The following PHF24 variants were observed in gnomAD, a reference collection of about 807,000 sequenced individuals.
PHF24 encodes the protein Galpha inhibitory interacting protein.
In PHF24, 25 loss-of-function variants were observed where a neutral mutation model predicts 42.6. That is an observed-to-expected ratio of 0.59 (90% CI 0.43 to 0.82). The LOEUF is 0.82. Among genes scored for constraint, PHF24 ranks in the 40% least tolerant of loss-of-function variants. The pLI is 0.00. For missense variants in PHF24, 470 were observed against 538.1 expected (o/e 0.87, Z 1.25); for synonymous variants, 185 against 204.8 (o/e 0.90, Z 0.83).
chr9:34,913,732 A>G, the PHF24 span, among the ~76,000 whole-genome samples: 1 of 152,246 alleles, frequency 6.6e-6, no homozygotes, highest in East Asian at 1.9e-4. Flanking sequence ...TATAGATGGT[A>G]TAGGTCTGGC....
the PHF24 span, among the ~76,000 whole-genome samples, chr9:34,918,900 T>G: frequency 6.6e-6 from 1 of 152,214 alleles, no homozygotes; most frequent in Non-Finnish European, 1.5e-5. Flanking sequence ...TGATGGAAAT[T>G]GAATCAACTT....
chr9:34,776,360 C>G, the PHF24 span, among the ~76,000 whole-genome samples: 1 of 152,080 alleles, frequency 6.6e-6, no homozygotes, highest in Non-Finnish European at 1.5e-5. Flanking sequence ...TTATGGTGTC[C>G]CATATGTCAT....
At chr9:34,745,507 G>A in the PHF24 span, among the ~76,000 whole-genome samples, 7 of 151,930 alleles carry the variant, frequency 4.6e-5, no homozygotes, top group South Asian at 2.1e-4. Context: ...AAATACTGAC[G>A]GGAATGATGT....
the PHF24 span, among the ~76,000 whole-genome samples, chr9:34,828,650 T>C: frequency 2.6e-5 from 4 of 152,354 alleles, no homozygotes; most frequent in Admixed American, 1.3e-4. Context: ...TGTTTTTAAA[T>C]TGAATGCCAT....
the PHF24 span, among the ~76,000 whole-genome samples, chr9:34,678,978 T>G: frequency 6.6e-6 from 1 of 152,180 alleles, no homozygotes; most frequent in African/African-American, 2.4e-5. Flanking sequence ...GAGTTTAAAC[T>G]AACACCTGTC....
chr9:34,723,936 T>C, the PHF24 span: 19 of 1,551,518 alleles, frequency 1.2e-5, no homozygotes, highest in Non-Finnish European at 1.7e-5. Context: ...AGATGAAAGC[T>C]ACGGCTCCAT....
At chr9:34,853,160 T>A in the PHF24 span, among the ~76,000 whole-genome samples, 2 of 152,220 alleles carry the variant, frequency 1.3e-5, no homozygotes, top group Non-Finnish European at 2.9e-5. Context: ...TATTGAGAGT[T>A]TTTAACATGA....
chr9:34,891,012 G>A, the PHF24 span, among the ~76,000 whole-genome samples: 4 of 152,186 alleles, frequency 2.6e-5, no homozygotes, highest in African/African-American at 9.7e-5. Flanking sequence ...TTGTGGATTC[G>A]TGAGTGATTG....
the PHF24 span, among the ~76,000 whole-genome samples, chr9:34,785,567 T>G: frequency 6.6e-6 from 1 of 152,172 alleles, no homozygotes; most frequent in Non-Finnish European, 1.5e-5. Flanking sequence ...AGGGAATAAG[T>G]TTGTGTTTTT....
chr9:34,882,572 GACAA>G, the PHF24 span, among the ~76,000 whole-genome samples: 2 of 152,190 alleles, frequency 1.3e-5, no homozygotes, highest in African/African-American at 2.4e-5. Flanking sequence ...ACCAGTAACA[GACAA>G]ACAGAGAGCC....
the PHF24 span, among the ~76,000 whole-genome samples, chr9:34,800,981 A>C: frequency 6.6e-6 from 1 of 151,830 alleles, no homozygotes; most frequent in African/African-American, 2.4e-5. Context: ...AGAAAAAAAA[A>C]CCATCAAAAA....
chr9:34,842,242 G>A, the PHF24 span, among the ~76,000 whole-genome samples: 23 of 152,142 alleles, frequency 1.5e-4, no homozygotes, highest in African/African-American at 5.1e-4. Flanking sequence ...GTAGTTGATA[G>A]ACATTTGAGT....
At chr9:34,978,517 G>A (rs1230965085) in exon 8 of PHF24, 1 of 165,644 alleles carries the variant, frequency 6.0e-6, no homozygotes, top group East Asian at 1.7e-4. Flanking sequence ...CCCTTCTATA[G>A]GCAGGCCAGT....
At chr9:34,764,411 C>T in the PHF24 span, among the ~76,000 whole-genome samples, 1 of 152,256 alleles carries the variant, frequency 6.6e-6, no homozygotes, top group Non-Finnish European at 1.5e-5. Context: ...TCAACTTCTT[C>T]CTAGTTTAGC....
At chr9:34,689,754 C>A in the PHF24 span, 1 of 1,597,632 alleles carries the variant, frequency 6.3e-7, no homozygotes, top group South Asian at 1.1e-5. The surrounding 1 kb of genome is among the most constrained non-coding windows in gnomAD (Gnocchi z 4.1). Context: ...TCCTCGGTTC[C>A]CCAGGTTAGG....
the PHF24 span, among the ~76,000 whole-genome samples, chr9:34,696,308 C>T: frequency 1.3e-5 from 2 of 151,654 alleles, no homozygotes; most frequent in Non-Finnish European, 1.5e-5. Context: ...ACCAACATGG[C>T]GAAACCCTGT....
the PHF24 span, among the ~76,000 whole-genome samples, chr9:34,732,025 A>ATT: frequency 1.2e-4 from 16 of 134,492 alleles, no homozygotes; most frequent in African/African-American, 2.5e-4. Flanking sequence ...TAATTTTTGG[A>ATT]TTTTTTTTTT....
chr9:34,789,488 A>G, the PHF24 span, among the ~76,000 whole-genome samples: 8 of 152,238 alleles, frequency 5.3e-5, no homozygotes, highest in Admixed American at 1.3e-4. Context: ...GAGGAGCTAC[A>G]GAAGCCCATC....
At chr9:34,813,196 T>C in the PHF24 span, among the ~76,000 whole-genome samples, 166 of 152,300 alleles carry the variant, frequency 1.1e-3, no homozygotes, top group Non-Finnish European at 1.8e-3. Flanking sequence ...GCTCATGCTA[T>C]GGAGCAGTCA....
Sources: gnomAD v4.1 joint callset for allele counts (sites outside exome capture counted in the v4.1 genomes callset) on GRCh38, gnomAD v4.1.1 for gene constraint, Gnocchi (gnomAD v3.1) non-coding constraint, MANE v1.5 for transcripts, NCBI Gene and HGNC (gene_info 2026-07-23, HGNC 2026-07-21) for gene names.